MACROD2: variants seen among roughly 807,000 people sequenced by gnomAD.
MACROD2 encodes the protein ADP-ribose glycohydrolase MACROD2.
Under a neutral mutation model 70.4 loss-of-function variants are expected in MACROD2, and 36 were observed. The ratio of observed to expected loss-of-function variants is 0.51; its 90% confidence interval spans 0.39 to 0.68. The LOEUF is 0.68. Ranked by LOEUF, MACROD2 falls within the 30% of genes least tolerant of loss-of-function variation. The probability of loss-of-function intolerance (pLI) is 0.00; values close to 1 mark genes in which losing one functional copy is unlikely to be tolerated. For missense variants in MACROD2, 496 were observed against 538.4 expected, an observed-to-expected ratio of 0.92 and a Z score of 0.78; for synonymous variants, 172 against 178.8, an observed-to-expected ratio of 0.96 and a Z score of 0.30.
chr20:14,767,040 G>C (rs1600642724), intron 5 of MACROD2, among the ~76,000 whole-genome samples: 1 of 152,010 alleles, frequency 6.6e-6, no homozygotes, highest in South Asian at 2.1e-4. Context: ...TCTCGTATAA[G>C]AGCAAAGGCC....
intron 5 of MACROD2, among the ~76,000 whole-genome samples, chr20:15,227,884 G>A (rs892536188): frequency 2.0e-4 from 23 of 114,004 alleles, no homozygotes; most frequent in African/African-American, 6.7e-4. Context: ...ATATCATACC[G>A]AACCCATTTG....
intron 7 of MACROD2, among the ~76,000 whole-genome samples, chr20:15,432,101 T>C (rs554604114): frequency 1.3e-5 from 2 of 152,202 alleles, no homozygotes; most frequent in South Asian, 4.1e-4. Context: ...TGTTTTATAA[T>C]GTTAAAGATT....
chr20:14,244,394 A>T (rs191501808), intron 3 of MACROD2, among the ~76,000 whole-genome samples: 210 of 152,314 alleles, frequency 1.4e-3, no homozygotes, highest in South Asian at 6.8e-3. Flanking sequence ...GCTAAAAAAA[A>T]AAACCCATAT....
chr20:14,571,158 T>A (rs907016986), intron 4 of MACROD2, among the ~76,000 whole-genome samples: 10 of 152,194 alleles, frequency 6.6e-5, no homozygotes, highest in African/African-American at 2.2e-4. Context: ...CTTGAGAAAG[T>A]CAGGCCTGGA....
intron 3 of MACROD2, chr20:14,127,715 T>C (rs933906082): frequency 1.2e-5 from 5 of 420,344 alleles, no homozygotes; most frequent in Admixed American, 3.1e-5. Context: ...TGATACAATC[T>C]ACACCAGTAA....
intron 6 of MACROD2, among the ~76,000 whole-genome samples, chr20:15,354,281 T>A (rs566183219): frequency 9.9e-5 from 15 of 152,036 alleles, no homozygotes; most frequent in East Asian, 9.7e-4. Flanking sequence ...GTTCTCACTC[T>A]TAGGTGGGAA....
chr20:14,456,713 C>CTTTTT lies in MACROD2; in HGVS notation c.272-36749_272-36745dup, dbSNP rs10696382. Among the ~76,000 whole-genome samples the CTTTTT allele has an allele frequency of 7.1e-4, 72 of 101,120 alleles. 2 individuals are homozygous for CTTTTT. Among genetic ancestry groups the CTTTTT allele is most frequent in the South Asian group, 1.5e-3 (4 of 2,652 alleles). 66.3% of individuals were successfully genotyped at this position (101,120 alleles called of 152,430 possible). A position where few individuals can be genotyped will look rare whatever the true frequency, so the allele number is the denominator to read the frequency against. On this transcript the variant is annotated intron_variant, in intron 3 of 17. Coordinates refer to ENST00000684519, the MANE Select transcript of MACROD2 (RefSeq NM_001351661.2). ...ATACATTTTCTTTAAGACTCAGGAT[C>CTTTTT]TTTTTTTTTTTTTTTTTTTTTGAGA...
At chr20:14,960,804 A>C (rs114854002) in intron 5 of MACROD2, among the ~76,000 whole-genome samples, 38 of 152,156 alleles carry the variant, frequency 2.5e-4, no homozygotes, top group African/African-American at 9.2e-4. Context: ...CTGTGACACT[A>C]TCCACACACT....
chr20:15,746,918 A>G (rs2051192674), intron 8 of MACROD2, among the ~76,000 whole-genome samples: 2 of 152,182 alleles, frequency 1.3e-5, no homozygotes, highest in African/African-American at 4.8e-5. Flanking sequence ...AAGATGCTCA[A>G]CTGGGGAAAG....
At chr20:14,464,169 T>G (rs1351060012) in intron 3 of MACROD2, among the ~76,000 whole-genome samples, 2 of 149,320 alleles carry the variant, frequency 1.3e-5, no homozygotes, top group Non-Finnish European at 3.0e-5. Flanking sequence ...GGTCCTGGAC[T>G]TTTTTTGGTT....
chr20:15,778,842 A>C (rs2051779837), intron 8 of MACROD2, among the ~76,000 whole-genome samples: 1 of 152,142 alleles, frequency 6.6e-6, no homozygotes, highest in Admixed American at 6.5e-5. Context: ...ACTGACCAGC[A>C]AAGAGAGAAG....
intron 2 of MACROD2, among the ~76,000 whole-genome samples, chr20:14,027,450 GC>G (rs2053186420): frequency 6.6e-6 from 1 of 152,048 alleles, no homozygotes; most frequent in Non-Finnish European, 1.5e-5. Flanking sequence ...ACCTTCTGAA[GC>G]CTACTTCTGT....
At chr20:14,400,162 T>C (rs2083622904) in intron 3 of MACROD2, among the ~76,000 whole-genome samples, 1 of 152,230 alleles carries the variant, frequency 6.6e-6, no homozygotes. Context: ...TAAATATTTT[T>C]GAATCCCTAT....
intron 5 of MACROD2, among the ~76,000 whole-genome samples, chr20:14,956,282 C>A (rs80175098): frequency 0.026 from 3,943 of 152,022 alleles, 161 homozygotes; most frequent in African/African-American, 0.09. Context: ...ATTCACCACT[C>A]AATGACGAAT....
In MACROD2 at chr20:15,581,252, T is replaced by C. The variant is rs368968106; in HGVS notation, c.645+81405T>C. 1.3e-3 allele frequency among the ~76,000 whole-genome samples: 203 copies of C among 152,318 alleles called. 3 individuals are homozygous for C. The highest frequency in any genetic ancestry group is 1.2e-3 in the Non-Finnish European group (84 of 68,024). On this transcript the variant is annotated intron_variant, in intron 8 of 17. Coordinates refer to ENST00000684519, the MANE Select transcript of MACROD2 (RefSeq NM_001351661.2). Reference sequence around the variant, plus strand: ...AGACCTGACAAGAATATATTTGCAATCCAACCATTTTTCACTGTCTCTGTT... The same window carrying C: ...AGACCTGACAAGAATATATTTGCAACCCAACCATTTTTCACTGTCTCTGTT...
At chr20:14,621,309 A>G (rs1041039987) in intron 4 of MACROD2, among the ~76,000 whole-genome samples, 3 of 152,046 alleles carry the variant, frequency 2.0e-5, no homozygotes, top group African/African-American at 4.8e-5. Context: ...CACGTGGACT[A>G]TGGGGTTGGG....
chr20:16,043,128 A>AC (rs1401310603), intron 16 of MACROD2, among the ~76,000 whole-genome samples: 1 of 151,658 alleles, frequency 6.6e-6, no homozygotes, highest in Non-Finnish European at 1.5e-5. Context: ...GGGATGGGAA[A>AC]CCCCCCTTTA....
At chr20:14,583,372 G>A (rs1981169310) in intron 4 of MACROD2, among the ~76,000 whole-genome samples, 1 of 152,152 alleles carries the variant, frequency 6.6e-6, no homozygotes, top group Non-Finnish European at 1.5e-5. Context: ...TCATCATTTA[G>A]GTGGGCAACC....
chr20:15,639,708 G>C (rs769259528), intron 8 of MACROD2, among the ~76,000 whole-genome samples: 17 of 152,186 alleles, frequency 1.1e-4, no homozygotes, highest in Non-Finnish European at 1.9e-4. Flanking sequence ...AAGAGGTGAT[G>C]TCCTTCCTGG....
Sources: allele counts gnomAD v4.1 joint callset (sites outside exome capture counted in the v4.1 genomes callset), GRCh38; gene constraint gnomAD v4.1.1; transcripts MANE v1.5; gene names NCBI Gene and HGNC (gene_info 2026-07-23, HGNC 2026-07-21).